Variants in QSOX2 observed in about 807,000 individuals in gnomAD.
The protein encoded by QSOX2 is sulfhydryl oxidase 2.
A neutral mutation model predicts 61.7 loss-of-function variants in QSOX2; 46 were observed. The observed-to-expected ratio is 0.75, with a 90% CI of 0.59 to 0.95. The LOEUF (loss-of-function observed/expected upper bound fraction) is 0.95, where lower values mean the gene tolerates loss of function less well. Ranked by LOEUF, QSOX2 falls within the 40% of genes least tolerant of loss-of-function variation. The pLI is 0.00. For synonymous variants in QSOX2, 383 were observed against 388.4 expected, an observed-to-expected ratio of 0.99 and a Z score of 0.16; for missense variants, 879 against 918.9, an observed-to-expected ratio of 0.96 and a Z score of 0.56.
At chr9:136,240,360 A>G (rs1830424660) in intron 1 of QSOX2, among the ~76,000 whole-genome samples, 1 of 152,258 alleles carries the variant, frequency 6.6e-6, no homozygotes, top group Admixed American at 6.5e-5. Flanking sequence ...AAAAGTCTAC[A>G]GAAGTCTAAT....
intron 9 of QSOX2, 48 bp downstream of exon 9, chr9:136,216,552 G>A (rs1460877565): frequency 2.5e-6 from 4 of 1,603,832 alleles, no homozygotes; most frequent in Middle Eastern, 1.7e-4. Flanking sequence ...GGGAAGGAAG[G>A]CGAGGGAAGG....
chr9:136,231,645 C>A (rs1830330933), intron 1 of QSOX2, among the ~76,000 whole-genome samples: 1 of 152,262 alleles, frequency 6.6e-6, no homozygotes, highest in Admixed American at 6.5e-5. Context: ...AAGGGCAGTG[C>A]CCCTCACAGC....
At position 136,209,605 on chromosome 9, in the gene QSOX2, C is replaced by T. The variant is rs985120311; in HGVS notation, c.1550-330G>A. Reference sequence around the variant, plus strand: ...CCAGCACTCCACTTCCAAAACGGAGCATGCAGCTCTCACCTGGAGGCCTTT... The same window carrying T: ...CCAGCACTCCACTTCCAAAACGGAGTATGCAGCTCTCACCTGGAGGCCTTT... On this transcript the variant is annotated intron_variant, in intron 11 of 11. Coordinates refer to ENST00000358701, the MANE Select transcript of QSOX2 (RefSeq NM_181701.4). This position sits in a 1 kb window ranked among gnomAD's most constrained non-coding sequence, Gnocchi z 5.6. The T allele has an allele frequency of 1.3e-5, 13 of 985,268 alleles. No homozygotes were observed. The highest frequency in any genetic ancestry group is 1.4e-5 in the Non-Finnish European group (12 of 829,918). The allele number at this position is 985,268 out of a possible 1,614,324, so 61.0% of individuals were successfully genotyped here.
chr9:136,221,795 C>A lies in QSOX2; in HGVS notation c.821+1G>T. ...TTCCCAGACCCCACCCGGGCACTCA[C>A]ACGTTAATCAATCCATGCGACCCAT... On this transcript the variant is annotated splice_donor_variant, in intron 6 of 11. Transcript: ENST00000358701. LOFTEE classifies it high-confidence loss of function. The surrounding 1 kb of genome is among the most constrained non-coding windows in gnomAD (Gnocchi z 4.5). 1.3e-6 allele frequency: 2 copies of A among 1,597,500 alleles called. No homozygotes were observed. The highest frequency in any genetic ancestry group is 8.5e-7 in the Non-Finnish European group (1 of 1,171,000).
In QSOX2 at chr9:136,211,333, C is replaced by T; in HGVS notation, c.1480G>A (p.Val494Met). The change falls in exon 11 of 12, where the codon GTG becomes ATG. Residue 494 changes from valine to methionine, a missense_variant. Val to Met is a conservative substitution (Grantham distance 21). Coordinates refer to ENST00000358701, the MANE Select transcript of QSOX2 (RefSeq NM_181701.4). ...AGGATGGCTTGGTCTGGGGTTTTCA[C>T]CGAGTCCATGGATTCTTTAGCCATT... ...EEMAKESMDS[V>M]KTPDQAILWL... The T allele has an allele frequency of 9.3e-6, 15 of 1,614,216 alleles. No individual in the cohort carries two copies. The highest frequency in any genetic ancestry group is 1.0e-5 in the Non-Finnish European group (12 of 1,180,030).
At chr9:136,237,138 G>A (rs188741441) in intron 1 of QSOX2, among the ~76,000 whole-genome samples, 16 of 132,074 alleles carry the variant, frequency 1.2e-4, no homozygotes, top group East Asian at 4.6e-4. Flanking sequence ...CTGGGCCGGC[G>A]TCACCTGGAG....
At chr9:136,224,733 G>C in intron 3 of QSOX2, 128 bp downstream of exon 3, 2 of 549,376 alleles carry the variant, frequency 3.6e-6, no homozygotes, top group Non-Finnish European at 6.5e-6. Context: ...AGGGAAAGCA[G>C]GCAGGAAGGT....
At chr9:136,226,444 T>G (rs1302049088) in intron 2 of QSOX2, among the ~76,000 whole-genome samples, 26 of 152,052 alleles carry the variant, frequency 1.7e-4, no homozygotes, top group Admixed American at 1.7e-3. Flanking sequence ...CAGGCTGGGG[T>G]GCCAGCCCTC....
At chr9:136,239,029 G>C (rs1206740408) in intron 1 of QSOX2, among the ~76,000 whole-genome samples, 2 of 152,334 alleles carry the variant, frequency 1.3e-5, no homozygotes, top group Admixed American at 1.3e-4. Context: ...GGCTGTCTCG[G>C]GTCCTCTGTG....
rs139149286 is a variant in QSOX2, at chr9:136,211,431, G to A, written c.1382C>T (p.Ala461Val). ...VGTGFEDDPQ[A>V]VLQTMRRYVH... Reference sequence around the variant, plus strand: ...GTACCTCCTCATTGTCTGCAGCACAGCCTGGGGGTCGTCTTCAAAGCCTGC... The same window carrying A: ...GTACCTCCTCATTGTCTGCAGCACAACCTGGGGGTCGTCTTCAAAGCCTGC... Residue 461 changes from alanine to valine, a missense_variant, in exon 11 of 12, where the codon GCT (alanine) becomes GTT (valine). Transcript: ENST00000358701. 4.5e-4 allele frequency: 726 copies of A among 1,613,940 alleles called. 4 individuals carry two copies. In the African/African-American group the frequency reaches 8.4e-3, roughly 19 times the overall value.
chr9:136,226,500 G>A (rs972825897), intron 2 of QSOX2, among the ~76,000 whole-genome samples: 2 of 152,144 alleles, frequency 1.3e-5, no homozygotes, highest in African/African-American at 4.8e-5. Context: ...GGCTGCAGGG[G>A]GTCTTTTCAC....
chr9:136,243,287 T>C (rs1257680978), intron 1 of QSOX2, among the ~76,000 whole-genome samples: 1 of 152,246 alleles, frequency 6.6e-6, no homozygotes, highest in Non-Finnish European at 1.5e-5. Flanking sequence ...AGGTCTTTCC[T>C]GGATCTAGGA....
At chr9:136,238,628 G>A (rs967931918) in intron 1 of QSOX2, among the ~76,000 whole-genome samples, 4 of 152,302 alleles carry the variant, frequency 2.6e-5, no homozygotes, top group East Asian at 1.9e-4. Flanking sequence ...GCTGCCACGC[G>A]CGGCCTGGCC....
chr9:136,219,531 A>C (rs1019285778), intron 6 of QSOX2, among the ~76,000 whole-genome samples: 1 of 152,176 alleles, frequency 6.6e-6, no homozygotes, highest in East Asian at 1.9e-4. Flanking sequence ...ACGCGCCCAC[A>C]ATCTGCCAGC....
At position 136,222,339 on chromosome 9, in the gene QSOX2, T is replaced by C. The variant is rs1425378290; in HGVS notation, c.676-398A>G. Among the ~76,000 whole-genome samples, 11 of 152,266 alleles carry C rather than the reference T, an allele frequency of 7.2e-5. No homozygotes were observed. The highest frequency in any genetic ancestry group is 1.3e-4 in the Non-Finnish European group (9 of 68,026). ...TTCGTGGCCGGGGCAGCAGGCCTCG[T>C]GCTGCCGCTCCTCCCCAGCCACCCT... On this transcript the variant is annotated intron_variant, in intron 5 of 11. Coordinates refer to ENST00000358701, the MANE Select transcript of QSOX2 (RefSeq NM_181701.4). The surrounding 1 kb of genome is among the most constrained non-coding windows in gnomAD (Gnocchi z 6.9).
chr9:136,234,811 A>T (rs10115394), intron 1 of QSOX2, among the ~76,000 whole-genome samples: 5 of 132,246 alleles, frequency 3.8e-5, no homozygotes, highest in African/African-American at 1.9e-4. Flanking sequence ...GCTTGGGAGC[A>T]AGGCTGGTCT....
chr9:136,244,624 T>A (rs1304361435), intron 1 of QSOX2, among the ~76,000 whole-genome samples: 1 of 152,188 alleles, frequency 6.6e-6, no homozygotes, highest in Non-Finnish European at 1.5e-5. Flanking sequence ...CTTCAGTGAT[T>A]TAAATACCAT....
chr9:136,221,777 AC>A lies in QSOX2; in HGVS notation c.821+18del. On this transcript the variant is annotated intron_variant, in intron 6 of 11. Coordinates refer to ENST00000358701, the MANE Select transcript of QSOX2 (RefSeq NM_181701.4). The surrounding 1 kb of genome is among the most constrained non-coding windows in gnomAD (Gnocchi z 4.5). ...ACTCCGAGCGGCACGGAGTTCCCAG[AC>A]CCCACCCGGGCACTCACACGTTAAT... 1.3e-6 allele frequency: 2 copies of A among 1,577,822 alleles called. No individual in the cohort carries two copies. Among genetic ancestry groups the A allele is most frequent in the South Asian group, 1.2e-5 (1 of 86,024 alleles).
chr9:136,216,448 G>T, intron 9 of QSOX2, 152 bp downstream of exon 9: 1 of 1,047,340 alleles, frequency 9.5e-7, no homozygotes, highest in Non-Finnish European at 1.4e-6. Context: ...GGAGGCCATG[G>T]CCATGATGCT....
Sources: gnomAD v4.1 joint callset for allele counts (sites outside exome capture counted in the v4.1 genomes callset) on GRCh38, gnomAD v4.1.1 for gene constraint, Gnocchi (gnomAD v3.1) non-coding constraint, MANE v1.5 for transcripts, NCBI Gene and HGNC (gene_info 2026-07-23, HGNC 2026-07-21) for gene names.